The following KLRG1 variants were observed in gnomAD, a reference collection of about 807,000 sequenced individuals.
KLRG1 encodes killer cell lectin-like receptor subfamily G member 1.
Under a neutral mutation model 21.8 loss-of-function variants are expected in KLRG1, and 16 were observed. The observed-to-expected ratio is 0.73, with a 90% CI of 0.50 to 1.11. KLRG1 has a LOEUF of 1.11. Among genes scored for constraint, KLRG1 ranks in the 50% most tolerant of loss-of-function variants. The pLI is 0.00. For synonymous variants in KLRG1, 69 were observed against 75.9 expected (o/e 0.91, Z 0.47); for missense variants, 173 against 218.3 (o/e 0.79, Z 1.31).
chr12:9,127,864 G>GC, the KLRG1 span: 1 of 257,966 alleles, frequency 3.9e-6, no homozygotes. Context: ...GGGCCCCGGG[G>GC]CCCCGGCAAT....
intron 1 of KLRG1, among the ~76,000 whole-genome samples, chr12:8,982,886 T>C (rs1183048069): frequency 6.6e-6 from 1 of 152,084 alleles, no homozygotes; most frequent in Non-Finnish European, 1.5e-5. Context: ...CCTCAGGTGA[T>C]TTGCCCGCCT....
the KLRG1 span, among the ~76,000 whole-genome samples, chr12:9,042,285 G>A: frequency 6.6e-6 from 1 of 152,064 alleles, no homozygotes; most frequent in Non-Finnish European, 1.5e-5. Context: ...TTTTAGGATT[G>A]AAAACAAAAC....
chr12:9,118,611 G>T, the KLRG1 span, among the ~76,000 whole-genome samples: 1 of 152,166 alleles, frequency 6.6e-6, no homozygotes, highest in South Asian at 2.1e-4. Flanking sequence ...TTTGAGGTCT[G>T]TTACAGCATT....
chr12:9,154,127 T>C, the KLRG1 span, among the ~76,000 whole-genome samples: 1 of 152,178 alleles, frequency 6.6e-6, no homozygotes, highest in Admixed American at 6.5e-5. Flanking sequence ...GGAATACATC[T>C]TAGAGGATTT....
the KLRG1 span, among the ~76,000 whole-genome samples, chr12:9,184,688 G>A: frequency 6.6e-6 from 1 of 152,186 alleles, no homozygotes; most frequent in Non-Finnish European, 1.5e-5. Context: ...AGTGGTCTGG[G>A]AGCACCTTGG....
chr12:9,028,152 T>C, the KLRG1 span: 148,798 of 570,194 alleles, frequency 0.26, 6,732 homozygotes, highest in Admixed American at 0.32. Context: ...TCTTCTTCTT[T>C]TTTTTTTTTT....
the KLRG1 span, among the ~76,000 whole-genome samples, chr12:9,177,414 C>T: frequency 1.3e-5 from 2 of 152,152 alleles, no homozygotes; most frequent in African/African-American, 2.4e-5. Context: ...GCTTTGGCCG[C>T]CATGTTAATC....
At chr12:9,066,758 G>A in the KLRG1 span, 3 of 152,188 alleles carry the variant, frequency 2.0e-5, no homozygotes, top group African/African-American at 7.2e-5. Context: ...CAGAGCTAAG[G>A]ATTCCTTGAA....
the KLRG1 span, among the ~76,000 whole-genome samples, chr12:9,195,701 C>A: frequency 1.3e-5 from 2 of 150,308 alleles, no homozygotes; most frequent in African/African-American, 4.9e-5. Flanking sequence ...CGATCCTCCC[C>A]CCTTGGCCTC....
chr12:8,977,589 T>C (rs897639792), intron 1 of KLRG1, among the ~76,000 whole-genome samples: 8 of 152,062 alleles, frequency 5.3e-5, no homozygotes, highest in African/African-American at 1.9e-4. Flanking sequence ...AAAGTAACTC[T>C]TGGTAAGTGA....
At chr12:9,184,401 C>T in the KLRG1 span, among the ~76,000 whole-genome samples, 1 of 152,206 alleles carries the variant, frequency 6.6e-6, no homozygotes, top group African/African-American at 2.4e-5. Context: ...CCACCAGTGC[C>T]CCACCCCCAT....
the KLRG1 span, among the ~76,000 whole-genome samples, chr12:9,155,018 T>A: frequency 1.3e-5 from 2 of 152,188 alleles, no homozygotes; most frequent in Non-Finnish European, 2.9e-5. Context: ...CTTGATTTAG[T>A]CCTGTGGTAC....
chr12:9,125,286 C>T, the KLRG1 span, among the ~76,000 whole-genome samples: 1 of 152,172 alleles, frequency 6.6e-6, no homozygotes, highest in Non-Finnish European at 1.5e-5. Flanking sequence ...TTCATCTTGT[C>T]CTTCACTTGT....
At chr12:9,167,764 G>C in the KLRG1 span, among the ~76,000 whole-genome samples, 30 of 151,966 alleles carry the variant, frequency 2.0e-4, no homozygotes, top group African/African-American at 7.2e-4. Flanking sequence ...ATTATATGCC[G>C]TCAATTTTCC....
At chr12:9,039,305 G>C in the KLRG1 span, among the ~76,000 whole-genome samples, 1 of 152,234 alleles carries the variant, frequency 6.6e-6, no homozygotes, top group Non-Finnish European at 1.5e-5. Flanking sequence ...GATTGCGTAT[G>C]TGAAATACTA....
the KLRG1 span, among the ~76,000 whole-genome samples, chr12:9,209,538 T>C: frequency 6.6e-6 from 1 of 152,134 alleles, no homozygotes; most frequent in Non-Finnish European, 1.5e-5. Flanking sequence ...TTTAAGGTCA[T>C]TTCTTCTTAA....
chr12:8,994,105 C>T (rs1038012670), intron 2 of KLRG1, among the ~76,000 whole-genome samples: 1 of 152,108 alleles, frequency 6.6e-6, no homozygotes, highest in African/African-American at 2.4e-5. Flanking sequence ...TGCTCTGTCG[C>T]CCAGGCAGGA....
the KLRG1 span, chr12:9,168,691 T>A: frequency 7.7e-6 from 4 of 517,376 alleles, no homozygotes; most frequent in Non-Finnish European, 6.8e-6. Context: ...TAAAAAAAAA[T>A]CTCTGATCAG....
At chr12:9,180,781 A>G in the KLRG1 span, among the ~76,000 whole-genome samples, 1 of 152,248 alleles carries the variant, frequency 6.6e-6, no homozygotes, top group Non-Finnish European at 1.5e-5. Flanking sequence ...AATGGCAACA[A>G]AAGACAAAAT....
Sources: gnomAD v4.1 joint callset for allele counts (sites outside exome capture counted in the v4.1 genomes callset) on GRCh38, gnomAD v4.1.1 for gene constraint, MANE v1.5 for transcripts, NCBI Gene and HGNC (gene_info 2026-07-23, HGNC 2026-07-21) for gene names.